The following PCDHA3 variants were observed in gnomAD, a reference collection of about 807,000 sequenced individuals.
PCDHA3 encodes protocadherin alpha-3.
A neutral mutation model predicts 62.2 loss-of-function variants in PCDHA3; 41 were observed. The ratio of observed to expected loss-of-function variants is 0.66; its 90% confidence interval spans 0.51 to 0.86. PCDHA3 has a LOEUF of 0.86. Ranked by LOEUF, PCDHA3 falls within the 40% of genes least tolerant of loss-of-function variation. The pLI is 0.00. For missense variants in PCDHA3, 1,304 were observed against 1,241.2 expected (o/e 1.05, Z -0.76); for synonymous variants, 640 against 555.4 (o/e 1.15, Z -2.14).
At chr5:140,875,743 G>A (rs782705899) in intron 1 of PCDHA3, 7 of 1,614,108 alleles carry the variant, frequency 4.3e-6, no homozygotes, top group Non-Finnish European at 5.1e-6. Context: ...TTCTCGGATC[G>A]ACCGCGAGAA....
chr5:140,828,497 G>T (rs1465778888), intron 1 of PCDHA3: 1 of 1,614,134 alleles, frequency 6.2e-7, no homozygotes, highest in African/African-American at 1.3e-5. Flanking sequence ...GTTCCCGGTA[G>T]AGGAACAAAG....
intron 1 of PCDHA3, among the ~76,000 whole-genome samples, chr5:140,941,198 TC>T (rs2092794663): frequency 1.7e-5 from 2 of 119,812 alleles, no homozygotes; most frequent in African/African-American, 6.9e-5. Context: ...TTTTTTTCTT[TC>T]TTCCTTTCTT....
chr5:140,852,048 G>T, intron 1 of PCDHA3: 1 of 917,014 alleles, frequency 1.1e-6, no homozygotes, highest in Non-Finnish European at 1.3e-6. Flanking sequence ...TTGTTATGTG[G>T]TTTATATTTT....
intron 1 of PCDHA3, chr5:140,875,643 G>A: frequency 6.2e-7 from 1 of 1,613,696 alleles, no homozygotes; most frequent in Non-Finnish European, 8.5e-7. Flanking sequence ...TGGAGCTGGC[G>A]GAGCTGGTGC....
Position 140,802,113 on chromosome 5 carries a change from G to C in PCDHA3, c.916G>C (p.Gly306Arg). 6.2e-7 allele frequency: 1 copy of C among 1,614,186 alleles called. No homozygotes were observed. ...DPVNGQISVK[G>R]NIDFEESKSY... The stretch of plus-strand genomic sequence containing the variant: ...AGTCAATGGACAAATCAGTGTAAAG[G>C]GTAACATAGATTTCGAGGAAAGTAA... Residue 306 changes from glycine (G) to arginine (R), a missense_variant, in exon 1 of 4, where the codon GGT (glycine) becomes CGT (arginine). Gly to Arg is a moderately radical substitution (Grantham distance 125). Coordinates refer to ENST00000522353, the MANE Select transcript of PCDHA3 (RefSeq NM_018906.3).
intron 1 of PCDHA3, chr5:140,883,378 C>G (rs782530143): frequency 6.2e-7 from 1 of 1,614,146 alleles, no homozygotes; most frequent in Non-Finnish European, 8.5e-7. Context: ...CCATTATTGC[C>G]CTAATCAGTG....
At chr5:140,822,918 C>T in intron 1 of PCDHA3, 1 of 1,614,272 alleles carries the variant, frequency 6.2e-7, no homozygotes, top group Non-Finnish European at 8.5e-7. Flanking sequence ...CAGGTGCCAA[C>T]GGGCAGGTGA....
intron 1 of PCDHA3, chr5:140,877,329 C>T: frequency 6.2e-7 from 1 of 1,614,012 alleles, no homozygotes; most frequent in South Asian, 1.1e-5. Flanking sequence ...TCGGCGCGCA[C>T]ATCCCGTTCC....
rs782459087 is a variant in PCDHA3 at position 140,802,155 on chromosome 5, G to A, written c.958G>A (p.Val320Ile). The A allele has an allele frequency of 4.3e-5, 69 of 1,614,074 alleles. No homozygotes were observed. Among genetic ancestry groups the A allele is most frequent in the Non-Finnish European group, 5.3e-5 (63 of 1,180,042 alleles). Reference protein sequence around the residue: ...FEESKSYEIQVEATDKGNPPM... With the variant: ...FEESKSYEIQIEATDKGNPPM... ...GGAAAGTAAGTCATATGAAATCCAGGTAGAAGCCACGGATAAAGGAAATCC... is the reference window on the plus strand; with the variant it reads ...GGAAAGTAAGTCATATGAAATCCAGATAGAAGCCACGGATAAAGGAAATCC... Residue 320 changes from valine to isoleucine, a missense_variant, in exon 1 of 4, where the codon GTA (valine) becomes ATA (isoleucine). By Grantham distance (29) the Val-to-Ile change is conservative. Coordinates refer to ENST00000522353, the MANE Select transcript of PCDHA3 (RefSeq NM_018906.3).
Position 140,813,822 on chromosome 5 carries a change from C to A in PCDHA3, c.2394+10231C>A, listed in dbSNP as rs1288499833. The A allele has an allele frequency of 2.6e-5, 4 of 152,006 alleles. No homozygotes were observed. In the East Asian group the frequency reaches 5.8e-4, roughly 22 times the overall value. 9.4% of individuals were successfully genotyped at this position (152,006 alleles called of 1,614,324 possible). On this transcript the variant is annotated intron_variant, in intron 1 of 3. Coordinates refer to ENST00000522353, the MANE Select transcript of PCDHA3 (RefSeq NM_018906.3). The stretch of plus-strand genomic sequence containing the variant: ...ACCAGCCTGGGCAATATAGTGAGAC[C>A]CTGTCTCTAGAAAATAATTTTTAAA...
At chr5:140,884,569 G>A (rs144735555) in intron 1 of PCDHA3, 2 of 1,614,008 alleles carry the variant, frequency 1.2e-6, no homozygotes, top group East Asian at 2.2e-5. Context: ...CGCATAAGAC[G>A]GACCTCATGG....
intron 3 of PCDHA3, among the ~76,000 whole-genome samples, chr5:141,005,731 A>AC (rs2098235322): frequency 6.7e-6 from 1 of 149,106 alleles, no homozygotes; most frequent in Non-Finnish European, 1.5e-5. Flanking sequence ...AAAAAAAAAA[A>AC]GAATGGATGA....
intron 1 of PCDHA3, chr5:140,823,417 G>T (rs2150125687): frequency 9.9e-6 from 16 of 1,613,174 alleles, no homozygotes; most frequent in Middle Eastern, 1.7e-4. Context: ...GGGCAGCAAC[G>T]TGACGCTGCA....
chr5:140,972,589 T>C (rs1258846206), intron 1 of PCDHA3, among the ~76,000 whole-genome samples: 2 of 152,074 alleles, frequency 1.3e-5, no homozygotes, highest in Non-Finnish European at 2.9e-5. Flanking sequence ...AGAATTTCTC[T>C]TTGGAAATTT....
chr5:140,871,118 G>A, intron 1 of PCDHA3: 3 of 1,613,306 alleles, frequency 1.9e-6, no homozygotes, highest in Non-Finnish European at 2.5e-6. Flanking sequence ...GTGGAGAGCG[G>A]ACAGGCGCCA....
At chr5:141,009,169 C>T (rs782079623) in intron 3 of PCDHA3, among the ~76,000 whole-genome samples, 13 of 152,186 alleles carry the variant, frequency 8.5e-5, no homozygotes, top group Non-Finnish European at 1.3e-4. Flanking sequence ...TAAATACTGG[C>T]CTTGGCTGGG....
Position 140,802,999 on chromosome 5 carries a change from C to G in PCDHA3, c.1802C>G (p.Ser601Ter), listed in dbSNP as rs782171071. 2 of 1,614,048 alleles carry G rather than the reference C, an allele frequency of 1.2e-6. No individual in the cohort carries two copies. The highest frequency in any genetic ancestry group is 3.3e-5 in the Admixed American group (2 of 60,026). ...AAGGTGCGCGCAGTGGATGCAGACT[C>G]AGGCTACAACGCGTGGCTTTCGTAT... Reference protein sequence around the residue: ...VAKVRAVDADSGYNAWLSYEL... With the variant: ...VAKVRAVDAD Residue 601 changes from serine to a stop codon, truncating the protein, a stop_gained, in exon 1 of 4, where the codon TCA becomes TGA. Transcript: ENST00000522353. LOFTEE classifies it high-confidence loss of function.
intron 1 of PCDHA3, among the ~76,000 whole-genome samples, chr5:140,952,338 CA>C (rs55931446): frequency 8.7e-4 from 117 of 135,030 alleles, no homozygotes; most frequent in South Asian, 1.2e-3. Flanking sequence ...AACTCCATCT[CA>C]AAAAAAAAAA....
chr5:140,844,580 A>G (rs1473112365), intron 1 of PCDHA3, among the ~76,000 whole-genome samples: 3 of 149,602 alleles, frequency 2.0e-5, no homozygotes, highest in African/African-American at 7.3e-5. Flanking sequence ...ATTCCACATT[A>G]AAGTGATATT....
Sources: gnomAD v4.1 joint callset for allele counts (sites outside exome capture counted in the v4.1 genomes callset) on GRCh38, gnomAD v4.1.1 for gene constraint, MANE v1.5 for transcripts, NCBI Gene and HGNC (gene_info 2026-07-23, HGNC 2026-07-21) for gene names.